The following INPP4A variants were observed in gnomAD, a reference collection of about 807,000 sequenced individuals.
The protein encoded by INPP4A is inositol polyphosphate-4-phosphatase, type I, 107kD.
INPP4A carries 33 observed loss-of-function variants against 119.8 expected under a neutral mutation model. That is an observed-to-expected ratio of 0.28 (90% CI 0.21 to 0.37). INPP4A has a LOEUF of 0.37. INPP4A is among the 10% of genes least tolerant of loss of function. The probability of loss-of-function intolerance (pLI) is 1.00; values close to 1 mark genes in which losing one functional copy is unlikely to be tolerated. For synonymous variants in INPP4A, 496 were observed against 500.7 expected (o/e 0.99, Z 0.12); for missense variants, 956 against 1,289.9 (o/e 0.74, Z 3.97).
At chr2:98,468,760 C>T (rs1372251974) in intron 1 of INPP4A, among the ~76,000 whole-genome samples, 1 of 152,094 alleles carries the variant, frequency 6.6e-6, no homozygotes, top group Non-Finnish European at 1.5e-5. Flanking sequence ...CCTCATGGTT[C>T]ATTGCTGGAC....
chr2:98,531,375 A>T (rs1440684218), intron 4 of INPP4A, among the ~76,000 whole-genome samples: 1 of 152,234 alleles, frequency 6.6e-6, no homozygotes, highest in Non-Finnish European at 1.5e-5. Flanking sequence ...AATAAAAATA[A>T]TGGAAAAAAA....
At chr2:98,501,537 GC>G (rs1172607298) in intron 1 of INPP4A, among the ~76,000 whole-genome samples, 1 of 151,768 alleles carries the variant, frequency 6.6e-6, no homozygotes, top group African/African-American at 2.4e-5. Context: ...AACCCCCCCA[GC>G]CCCCCATTCT....
chr2:98,529,202 A>C (rs1688742406), intron 4 of INPP4A, among the ~76,000 whole-genome samples: 1 of 152,234 alleles, frequency 6.6e-6, no homozygotes, highest in South Asian at 2.1e-4. Flanking sequence ...TATTTGCTAG[A>C]GTATGGATAA....
At chr2:98,518,470 T>A (rs1438240997) in intron 1 of INPP4A, among the ~76,000 whole-genome samples, 1 of 152,244 alleles carries the variant, frequency 6.6e-6, no homozygotes, top group African/African-American at 2.4e-5. Flanking sequence ...CCTGTGGTGC[T>A]GGGACTGAGT....
rs1472550136 is a variant in INPP4A, at chr2:98,593,859, G to A, written c.*6251G>A. 6.6e-6 allele frequency: 1 copy of A among 151,614 alleles called. No individual in the cohort carries two copies. Among genetic ancestry groups the A allele is most frequent in the Non-Finnish European group, 1.5e-5 (1 of 67,716 alleles). 9.4% of individuals were successfully genotyped at this position (151,614 alleles called of 1,614,324 possible). ...TGAGCATCCTCACCCCTCCTGCAAG[G>A]CTAGTCTCAGGTCTGCCTTCCTCTA... is the stretch of plus-strand genomic sequence containing the variant. On this transcript the variant is annotated 3_prime_UTR_variant, in exon 25 of 25. Coordinates refer to ENST00000409851, the MANE Select transcript of INPP4A (RefSeq NM_001134225.2).
intron 1 of INPP4A, among the ~76,000 whole-genome samples, chr2:98,482,515 A>G (rs1242523279): frequency 1.3e-5 from 2 of 152,244 alleles, no homozygotes; most frequent in Non-Finnish European, 2.9e-5. Flanking sequence ...GGCAGGTGCA[A>G]CTGGCTGTCC....
intron 1 of INPP4A, among the ~76,000 whole-genome samples, chr2:98,478,633 A>G (rs1187236045): frequency 6.6e-6 from 1 of 152,148 alleles, no homozygotes; most frequent in African/African-American, 2.4e-5. Context: ...GATGGTTACC[A>G]ATGTGGCTGT....
At chr2:98,563,708 C>T (rs1431163210) in intron 18 of INPP4A, 71 bp downstream of exon 18, 5 of 1,484,578 alleles carry the variant, frequency 3.4e-6, no homozygotes, top group Non-Finnish European at 4.6e-6. Context: ...CTTAGGAAGC[C>T]CTTCCCTCTC....
At chr2:98,540,252 C>A (rs1302752410) in intron 10 of INPP4A, among the ~76,000 whole-genome samples, 1 of 152,090 alleles carries the variant, frequency 6.6e-6, no homozygotes, top group Non-Finnish European at 1.5e-5. Context: ...TCTTTTCTTT[C>A]CCCTCTCACT....
At chr2:98,564,234 T>G (rs1253294075) in intron 18 of INPP4A, among the ~76,000 whole-genome samples, 1 of 152,228 alleles carries the variant, frequency 6.6e-6, no homozygotes, top group Admixed American at 6.5e-5. Flanking sequence ...GGGGAAACTT[T>G]GAGTGACCAT....
At chr2:98,521,936 GAAAC>G (rs1457258947) in intron 4 of INPP4A, among the ~76,000 whole-genome samples, 2 of 151,880 alleles carry the variant, frequency 1.3e-5, no homozygotes, top group African/African-American at 4.8e-5. Context: ...TAATAAAAAA[GAAAC>G]AAAAAATAGA....
Position 98,566,233 on chromosome 2 carries a change from C to T in INPP4A, c.2420+64C>T. 1 of 1,467,656 alleles carries T rather than the reference C, an allele frequency of 6.8e-7. No homozygotes were observed. The highest frequency in any genetic ancestry group is 1.8e-4 in the Middle Eastern group (1 of 5,652). 90.9% of individuals were successfully genotyped at this position (1,467,656 alleles called of 1,614,324 possible). A position where few individuals can be genotyped will look rare whatever the true frequency, so the allele number is the denominator to read the frequency against. ...CCCTGGAGATGATGCAGAAAACGTA[C>T]TTACCCCTCTTCAGGCTCTAAGTGC... On this transcript the variant is annotated intron_variant, in intron 21 of 24. Coordinates refer to ENST00000409851, the MANE Select transcript of INPP4A (RefSeq NM_001134225.2). The surrounding 1 kb of genome is among the most constrained non-coding windows in gnomAD (Gnocchi z 4.2).
At chr2:98,520,931 C>CA in intron 4 of INPP4A, 200 bp downstream of exon 4, 1 of 499,544 alleles carries the variant, frequency 2.0e-6, no homozygotes, top group Non-Finnish European at 3.5e-6. Context: ...TCCGTGCCCA[C>CA]AGGCTCCTGT....
chr2:98,532,305 C>T (rs1300742865), intron 4 of INPP4A, among the ~76,000 whole-genome samples: 1 of 152,126 alleles, frequency 6.6e-6, no homozygotes, highest in Non-Finnish European at 1.5e-5. Flanking sequence ...CATCCCATCA[C>T]TCCTCCTCTC....
At chr2:98,455,213 C>T (rs964001818) in intron 1 of INPP4A, among the ~76,000 whole-genome samples, 1 of 152,104 alleles carries the variant, frequency 6.6e-6, no homozygotes, top group Non-Finnish European at 1.5e-5. Context: ...TAGTGCACAC[C>T]TATATTCCCA....
chr2:98,470,749 G>A (rs143107554), intron 1 of INPP4A, among the ~76,000 whole-genome samples: 1 of 151,932 alleles, frequency 6.6e-6, no homozygotes, highest in Non-Finnish European at 1.5e-5. Context: ...CTCACTGCAA[G>A]CTCCGCCTCC....
chr2:98,475,416 T>G (rs978127665), intron 1 of INPP4A, among the ~76,000 whole-genome samples: 1 of 152,176 alleles, frequency 6.6e-6, no homozygotes, highest in Non-Finnish European at 1.5e-5. Context: ...TCTGAGGTCA[T>G]CTTTCTTTCT....
intron 19 of INPP4A, 22 bp downstream of exon 19, chr2:98,564,785 CG>C: frequency 6.4e-7 from 1 of 1,560,606 alleles, no homozygotes. Context: ...GGGCCAGGAT[CG>C]GGAGCCCCAC....
In INPP4A at chr2:98,555,800, T is replaced by C; in HGVS notation, c.1814T>C (p.Leu605Pro). 1 of 1,557,572 alleles carries C rather than the reference T, an allele frequency of 6.4e-7. No homozygotes were observed. Among genetic ancestry groups the C allele is most frequent in the Non-Finnish European group, 8.7e-7 (1 of 1,149,748 alleles). ...TMPSTACHPHLTTHCSPPPEE... is the reference protein window; with the variant it reads ...TMPSTACHPHPTTHCSPPPEE... Reference sequence around the variant, plus strand: ...CCCTCCACTGCATGCCATCCTCATCTGACCACACGTGCGTATGCATCCATG... The same window carrying C: ...CCCTCCACTGCATGCCATCCTCATCCGACCACACGTGCGTATGCATCCATG... The change falls in exon 16 of 25, where the codon CTG becomes CCG. Residue 605 changes from leucine (L) to proline (P), a missense_variant. Transcript: ENST00000409851.
Sources: gnomAD v4.1 joint callset for allele counts (sites outside exome capture counted in the v4.1 genomes callset) on GRCh38, gnomAD v4.1.1 for gene constraint, Gnocchi (gnomAD v3.1) non-coding constraint, MANE v1.5 for transcripts, NCBI Gene and HGNC (gene_info 2026-07-23, HGNC 2026-07-21) for gene names.